Variants in PPP1R9A observed in about 807,000 individuals in gnomAD.
PPP1R9A encodes the protein protein phosphatase 1 regulatory subunit 9A, also known as neurabin-1.
Under a neutral mutation model 141.9 loss-of-function variants are expected in PPP1R9A, and 59 were observed. The observed-to-expected ratio is 0.42, with a 90% CI of 0.34 to 0.52. The LOEUF (loss-of-function observed/expected upper bound fraction) is 0.52. Ranked by LOEUF, PPP1R9A falls within the 20% of genes least tolerant of loss-of-function variation. The pLI, the probability that PPP1R9A is intolerant of heterozygous loss-of-function variation, is 0.10. For synonymous variants in PPP1R9A, 500 were observed against 569.7 expected, an observed-to-expected ratio of 0.88 and a Z score of 1.74; for missense variants, 1,444 against 1,611.9, an observed-to-expected ratio of 0.90 and a Z score of 1.78.
At chr7:95,040,805 C>T (rs1809127253) in intron 2 of PPP1R9A, among the ~76,000 whole-genome samples, 1 of 152,018 alleles carries the variant, frequency 6.6e-6, no homozygotes, top group Non-Finnish European at 1.5e-5. Flanking sequence ...TTTTGATGAT[C>T]TGTTGAATTT....
intron 3 of PPP1R9A, among the ~76,000 whole-genome samples, 173 bp from the exon 4 acceptor site, chr7:95,120,539 A>G (rs1249610562): frequency 6.6e-6 from 1 of 152,206 alleles, no homozygotes; most frequent in African/African-American, 2.4e-5. Context: ...GGAGGATCTC[A>G]TTAGATACCC....
Position 95,287,098 on chromosome 7 carries a change from T to C in PPP1R9A, c.3729+773T>C, listed in dbSNP as rs747622845. On this transcript the variant is annotated intron_variant, in intron 18 of 19. Coordinates refer to ENST00000433360, the MANE Select transcript of PPP1R9A (RefSeq NM_001166160.2). ...CTTTTCTTCTTGATTCTTTTATTGCTCCCTCACTCAGAGCCTGGATATGAT... is the reference window on the plus strand; with the variant it reads ...CTTTTCTTCTTGATTCTTTTATTGCCCCCTCACTCAGAGCCTGGATATGAT... 7 of 1,610,376 alleles carry C rather than the reference T, an allele frequency of 4.3e-6. No individual in the cohort carries two copies. In the African/African-American group the frequency reaches 5.3e-5, roughly 12 times the overall value.
intron 7 of PPP1R9A, among the ~76,000 whole-genome samples, chr7:95,221,369 T>C (rs1794434623): frequency 6.6e-6 from 1 of 152,084 alleles, no homozygotes; most frequent in Admixed American, 6.6e-5. Flanking sequence ...CAGTTCTACG[T>C]GACTTCAAAA....
chr7:95,000,907 G>A (rs975401285), intron 2 of PPP1R9A, among the ~76,000 whole-genome samples: 1 of 152,138 alleles, frequency 6.6e-6, no homozygotes, highest in African/African-American at 2.4e-5. Context: ...AGAATGAAAA[G>A]GAAATCACTG....
chr7:95,082,154 A>G (rs1247971192), intron 2 of PPP1R9A, among the ~76,000 whole-genome samples: 1 of 152,146 alleles, frequency 6.6e-6, no homozygotes, highest in African/African-American at 2.4e-5. Flanking sequence ...TTTGTCATAA[A>G]TACTTGCTTT....
chr7:95,206,457 T>C (rs1349253912), intron 7 of PPP1R9A, among the ~76,000 whole-genome samples: 2 of 152,172 alleles, frequency 1.3e-5, no homozygotes, highest in South Asian at 2.1e-4. Context: ...ATATTAACTT[T>C]AATGAGTAAT....
chr7:95,119,497 C>T (rs151292080), intron 3 of PPP1R9A, among the ~76,000 whole-genome samples: 216 of 152,272 alleles, frequency 1.4e-3, no homozygotes, highest in African/African-American at 5.1e-3. Flanking sequence ...CAGTGTTGCC[C>T]ATGGTGGAGC....
chr7:94,911,033 C>T lies in PPP1R9A; in HGVS notation c.920C>T (p.Thr307Ile). The T allele has an allele frequency of 6.2e-7, 1 of 1,614,176 alleles. No individual in the cohort carries two copies. ...IQQSKEPEDS[T>I]SNQQTPDSID... ...CAGAGCAAGGAACCCGAGGACTCCACATCTAATCAACAGACTCCCGACAGC... is the reference window on the plus strand; with the variant it reads ...CAGAGCAAGGAACCCGAGGACTCCATATCTAATCAACAGACTCCCGACAGC... Residue 307 changes from threonine (T) to isoleucine (I), a missense_variant, in exon 2 of 20, where the codon ACA (threonine) becomes ATA (isoleucine). Around this residue, in one of 5 missense-constraint regions of PPP1R9A, gnomAD observed 490 missense variants for 521.1 expected, o/e 0.94. Transcript: ENST00000433360.
rs558345027 is a variant in PPP1R9A, at chr7:95,214,543, G to T, written c.1956+10813G>T. Among the ~76,000 whole-genome samples the T allele has an allele frequency of 9.5e-4, 145 of 152,180 alleles. 1 individual carries two copies. The highest frequency in any genetic ancestry group is 9.3e-3 in the Admixed American group (142 of 15,276). On this transcript the variant is annotated intron_variant, in intron 7 of 19. Coordinates refer to ENST00000433360, the MANE Select transcript of PPP1R9A (RefSeq NM_001166160.2). ...CTTTTTTTTTCAACTAATCTGAGAA[G>T]TGGCATTCCATTACTTTTGTTGTAT... is the stretch of plus-strand genomic sequence containing the variant.
chr7:95,127,691 C>G (rs908093725), intron 4 of PPP1R9A, among the ~76,000 whole-genome samples: 1 of 151,980 alleles, frequency 6.6e-6, no homozygotes, highest in Non-Finnish European at 1.5e-5. Context: ...TCTATTAGTT[C>G]CCAGTTTCGC....
chr7:95,140,385 A>T (rs1366374915), intron 4 of PPP1R9A, among the ~76,000 whole-genome samples: 1 of 152,176 alleles, frequency 6.6e-6, no homozygotes, highest in Non-Finnish European at 1.5e-5. Context: ...AATCAATTAT[A>T]ATTGCTTATT....
intron 14 of PPP1R9A, among the ~76,000 whole-genome samples, chr7:95,270,238 T>A (rs1801962358): frequency 6.6e-6 from 1 of 152,206 alleles, no homozygotes; most frequent in Non-Finnish European, 1.5e-5. Flanking sequence ...TATTTTCTTA[T>A]ACTCAAAATT....
intron 2 of PPP1R9A, among the ~76,000 whole-genome samples, chr7:94,946,783 T>C (rs1273958393): frequency 6.6e-6 from 1 of 152,156 alleles, no homozygotes; most frequent in Non-Finnish European, 1.5e-5. Flanking sequence ...TTTGACTTGA[T>C]CTTAGTTACT....
chr7:95,202,542 C>G, intron 6 of PPP1R9A: 21 of 759,366 alleles, frequency 2.8e-5, no homozygotes, highest in Non-Finnish European at 3.2e-5. Flanking sequence ...TTCTTTCTTT[C>G]TCTTTTCTTT....
At chr7:94,951,389 G>T (rs1287181154) in intron 2 of PPP1R9A, among the ~76,000 whole-genome samples, 2 of 151,836 alleles carry the variant, frequency 1.3e-5, no homozygotes, top group African/African-American at 4.8e-5. Flanking sequence ...ATTTGATCAG[G>T]TTAAGGAAGT....
At chr7:95,269,095 AC>A (rs1801747840) in intron 13 of PPP1R9A, 111 bp from the exon 14 acceptor site, 1 of 1,026,860 alleles carries the variant, frequency 9.7e-7, no homozygotes, top group Admixed American at 3.1e-5. Flanking sequence ...ATCAACAAAA[AC>A]TGGTTTTCAT....
At chr7:95,142,610 G>A (rs1462055905) in intron 4 of PPP1R9A, among the ~76,000 whole-genome samples, 4 of 151,974 alleles carry the variant, frequency 2.6e-5, no homozygotes, top group South Asian at 4.1e-4. Context: ...TTTTTGAAAA[G>A]ACTAGTCTTT....
rs185776429 is a variant in PPP1R9A at position 95,193,673 on chromosome 7, A to G, written c.1755-4676A>G. On this transcript the variant is annotated intron_variant, in intron 5 of 19. Coordinates refer to ENST00000433360, the MANE Select transcript of PPP1R9A (RefSeq NM_001166160.2). ...GAGTTTTGATTTATTGTGATAATTGACTAATTTATTATATAACCTGTTATA... is the reference window on the plus strand; with the variant it reads ...GAGTTTTGATTTATTGTGATAATTGGCTAATTTATTATATAACCTGTTATA... Among the ~76,000 whole-genome samples the G allele has an allele frequency of 3.5e-3, 534 of 152,118 alleles. 2 individuals are homozygous for G. The highest frequency in any genetic ancestry group is 0.02 in the Middle Eastern group (6 of 294).
chr7:95,277,246 C>G (rs1337320863), intron 16 of PPP1R9A, among the ~76,000 whole-genome samples: 1 of 152,100 alleles, frequency 6.6e-6, no homozygotes, highest in African/African-American at 2.4e-5. Flanking sequence ...TAGTTTTTTC[C>G]TCTCTATAAA....
Sources: allele counts gnomAD v4.1 joint callset (sites outside exome capture counted in the v4.1 genomes callset), GRCh38; gene constraint gnomAD v4.1.1; regional missense constraint gnomAD v4.1.1; transcripts MANE v1.5; gene names NCBI Gene and HGNC (gene_info 2026-07-23, HGNC 2026-07-21).